The following NAALAD2 variants were observed in gnomAD, a reference collection of about 807,000 sequenced individuals.
NAALAD2 encodes the protein N-acetylated-alpha-linked acidic dipeptidase 2.
A neutral mutation model predicts 95.6 loss-of-function variants in NAALAD2; 89 were observed. The observed-to-expected ratio is 0.93, with a 90% CI of 0.78 to 1.11. NAALAD2 has a LOEUF of 1.11. NAALAD2 is among the 50% of genes least tolerant of loss of function. The pLI is 0.00. For synonymous variants in NAALAD2, 264 were observed against 294.4 expected, an observed-to-expected ratio of 0.90 and a Z score of 1.06; for missense variants, 894 against 872.4, an observed-to-expected ratio of 1.02 and a Z score of -0.31.
intron 7 of NAALAD2, 166 bp from the exon 8 acceptor site, chr11:90,159,073 G>T: frequency 1.6e-6 from 1 of 610,964 alleles, no homozygotes; most frequent in Non-Finnish European, 2.9e-6. Flanking sequence ...TGGCTCTCTT[G>T]CTAGAAAATA....
At chr11:90,188,781 ATAAG>A (rs1857235852) in intron 18 of NAALAD2, among the ~76,000 whole-genome samples, 1 of 152,222 alleles carries the variant, frequency 6.6e-6, no homozygotes, top group African/African-American at 2.4e-5. Flanking sequence ...ACAAAGGCAA[ATAAG>A]TAATAAATCC....
chr11:90,171,875 T>A (rs1279534573), intron 13 of NAALAD2, among the ~76,000 whole-genome samples: 2 of 152,094 alleles, frequency 1.3e-5, no homozygotes, highest in Non-Finnish European at 2.9e-5. Context: ...ACAATGCATG[T>A]AGCTGAGGTA....
At chr11:90,138,659 T>A (rs1190161661) in intron 2 of NAALAD2, among the ~76,000 whole-genome samples, 1 of 151,666 alleles carries the variant, frequency 6.6e-6, no homozygotes, top group Non-Finnish European at 1.5e-5. Context: ...TTCTGTTAAT[T>A]TTTCTGGTGT....
intron 18 of NAALAD2, among the ~76,000 whole-genome samples, chr11:90,185,978 T>C (rs1219234297): frequency 6.6e-6 from 1 of 151,990 alleles, no homozygotes; most frequent in African/African-American, 2.4e-5. Flanking sequence ...CATGACTTTT[T>C]GAGTCCATGA....
Position 90,150,576 on chromosome 11 carries a change from C to A in NAALAD2, c.578C>A (p.Ala193Glu). 1.3e-6 allele frequency: 2 copies of A among 1,599,612 alleles called. No individual in the cohort carries two copies. Among genetic ancestry groups the A allele is most frequent in the Non-Finnish European group, 1.7e-6 (2 of 1,168,910 alleles). ...GINCTGKIVI[A>E]RYGKIFRGNK... Reference sequence around the variant, plus strand: ...AACTGTACTGGGAAGATTGTTATTGCAAGATATGGAAAAATCTTCAGAGGA... The same window carrying A: ...AACTGTACTGGGAAGATTGTTATTGAAAGATATGGAAAAATCTTCAGAGGA... Residue 193 changes from alanine (A) to glutamate (E), a missense_variant, in exon 5 of 19, where the codon GCA becomes GAA. Ala to Glu is a moderately radical substitution (Grantham distance 107). Coordinates refer to ENST00000534061, the MANE Select transcript of NAALAD2 (RefSeq NM_005467.4).
rs368685334 is a variant in NAALAD2 at position 90,158,356 on chromosome 11, C to A, written c.890+118C>A. On this transcript the variant is annotated intron_variant, in intron 7 of 18. Transcript: ENST00000534061. ...ACAAAGTTTTATAACTAAATAACTC[C>A]TGAAATAGGAATAACAGAGTATACT... is the stretch of plus-strand genomic sequence containing the variant. 9.4e-5 allele frequency: 67 copies of A among 711,650 alleles called. No individual in the cohort carries two copies. The African/African-American group carries it at 1.1e-3, about 12-fold the overall frequency. 44.1% of individuals were successfully genotyped at this position (711,650 alleles called of 1,614,324 possible). A position where few individuals can be genotyped will look rare whatever the true frequency, so the allele number is the denominator to read the frequency against.
chr11:90,184,827 A>T (rs1337760574), intron 18 of NAALAD2, among the ~76,000 whole-genome samples: 3 of 152,102 alleles, frequency 2.0e-5, no homozygotes, highest in Non-Finnish European at 2.9e-5. Context: ...TGAGTTCCAC[A>T]TCTGTTGATT....
intron 16 of NAALAD2, among the ~76,000 whole-genome samples, chr11:90,180,096 TAC>T (rs1952917052): frequency 1.3e-5 from 2 of 151,660 alleles, no homozygotes; most frequent in African/African-American, 4.8e-5. Context: ...AATGAATGAA[TAC>T]ATAATCTACA....
intron 2 of NAALAD2, among the ~76,000 whole-genome samples, chr11:90,142,353 A>C (rs1241192206): frequency 6.6e-6 from 1 of 152,122 alleles, no homozygotes; most frequent in African/African-American, 2.4e-5. Flanking sequence ...GCATATACAC[A>C]TGGACGTTGC....
At chr11:90,167,265 G>A (rs1049205492) in intron 11 of NAALAD2, among the ~76,000 whole-genome samples, 3 of 152,194 alleles carry the variant, frequency 2.0e-5, no homozygotes, top group African/African-American at 7.2e-5. Flanking sequence ...CGTGGGCTCA[G>A]CGGGCCCGCC....
chr11:90,135,192 C>T, intron 1 of NAALAD2: 1 of 305,732 alleles, frequency 3.3e-6, no homozygotes. Flanking sequence ...AAAAACAAAG[C>T]AAAACGAAAC....
At position 90,167,850 on chromosome 11, in the gene NAALAD2, GCAATCGGCTCTCTGTAAAACAGAC is replaced by G. The variant is rs557352429; in HGVS notation, c.1279-1059_1279-1036del. Among the ~76,000 whole-genome samples, 845 of 152,222 alleles carry G rather than the reference GCAATCGGCTCTCTGTAAAACAGAC, an allele frequency of 5.6e-3. 9 individuals are homozygous for G. The highest frequency in any genetic ancestry group is 0.019 in the African/African-American group (771 of 41,530). ...CCTATCAGCACCCTGTCAAAACGGA[GCAATCGGCTCTCTGTAAAACAGAC>G]CAATCGGCTCTCTGTAAAATGGACC... On this transcript the variant is annotated intron_variant, in intron 11 of 18. Coordinates refer to ENST00000534061, the MANE Select transcript of NAALAD2 (RefSeq NM_005467.4).
intron 18 of NAALAD2, among the ~76,000 whole-genome samples, chr11:90,186,729 G>T (rs367901498): frequency 0.034 from 4,881 of 145,470 alleles, 129 homozygotes; most frequent in Non-Finnish European, 0.051. Context: ...AACCCTAGAA[G>T]TAAACCTAGG....
chr11:90,139,735 T>G (rs1951555495), intron 2 of NAALAD2, among the ~76,000 whole-genome samples: 1 of 152,138 alleles, frequency 6.6e-6, no homozygotes, highest in Non-Finnish European at 1.5e-5. Context: ...GCCTTTCTTA[T>G]AACAATCCTA....
In NAALAD2 at chr11:90,135,595, C is replaced by T; in HGVS notation, c.119C>T (p.Ser40Phe). 1 of 1,612,980 alleles carries T rather than the reference C, an allele frequency of 6.2e-7. No individual in the cohort carries two copies. The highest frequency in any genetic ancestry group is 1.3e-5 in the African/African-American group (1 of 74,978). The change falls in exon 2 of 19, where the codon TCT becomes TTT. Residue 40 changes from serine (S) to phenylalanine (F), a missense_variant. Physicochemically the swap from Ser to Phe is radical, Grantham distance 155. Transcript: ENST00000534061. ...AAGCCTCTCAAAGAAACGACCACTT[C>T]TGTGCGCTATCATCAAAGTATACGG... ...FIKPLKETTTSVRYHQSIRWK... is the reference protein window; with the variant it reads ...FIKPLKETTTFVRYHQSIRWK...
At chr11:90,190,113 A>G (rs190373527) in intron 18 of NAALAD2, among the ~76,000 whole-genome samples, 2 of 152,318 alleles carry the variant, frequency 1.3e-5, no homozygotes, top group African/African-American at 4.8e-5. Flanking sequence ...TGAGAAAATT[A>G]GGGAAAGGAT....
chr11:90,137,460 A>G lies in NAALAD2; in HGVS notation c.194+1790A>G, dbSNP rs370530979. ...TTACTTATTGTATGCTTGTATCAAG[A>G]TATCACATATACCCTATAAATGTGT... On this transcript the variant is annotated intron_variant, in intron 2 of 18. Coordinates refer to ENST00000534061, the MANE Select transcript of NAALAD2 (RefSeq NM_005467.4). 3.2e-4 allele frequency among the ~76,000 whole-genome samples: 49 copies of G among 152,364 alleles called. No individual in the cohort carries two copies. In the South Asian group the frequency reaches 9.7e-3, roughly 30 times the overall value.
chr11:90,185,873 TTA>T (rs61121840), intron 18 of NAALAD2, among the ~76,000 whole-genome samples: 19,897 of 149,118 alleles, frequency 0.13, 1,531 homozygotes, highest in East Asian at 0.26. Flanking sequence ...TTTTTTTTTT[TTA>T]TATACATTTA....
chr11:90,138,758 T>G (rs1304096386), intron 2 of NAALAD2, among the ~76,000 whole-genome samples: 1 of 108,390 alleles, frequency 9.2e-6, no homozygotes, highest in Non-Finnish European at 1.8e-5. Flanking sequence ...TTTTTTTTTT[T>G]TGCCATATTC....
Sources: allele counts gnomAD v4.1 joint callset (sites outside exome capture counted in the v4.1 genomes callset), GRCh38; gene constraint gnomAD v4.1.1; transcripts MANE v1.5; gene names NCBI Gene and HGNC (gene_info 2026-07-23, HGNC 2026-07-21).